Variants in TDRD10 observed in about 807,000 individuals in gnomAD.
The protein encoded by TDRD10 is tudor domain-containing protein 10.
TDRD10 carries 40 observed loss-of-function variants against 48.0 expected under a neutral mutation model. The observed-to-expected ratio is 0.83, with a 90% CI of 0.65 to 1.09. The LOEUF is 1.09. Among genes scored for constraint, TDRD10 ranks in the 50% least tolerant of loss-of-function variants. The pLI, the probability that TDRD10 is intolerant of heterozygous loss-of-function variation, is 0.00. For synonymous variants in TDRD10, 162 were observed against 170.4 expected (o/e 0.95, Z 0.38); for missense variants, 378 against 434.7 (o/e 0.87, Z 1.16).
In TDRD10 at chr1:154,515,274, A is replaced by C. The variant is rs550314469; in HGVS notation, c.142-5030A>C. ...CGGCCTCCCAAAGTGCTGGGATTACAGGTATGAGCCACCGCACCCAGCCAG... is the reference window on the plus strand; with the variant it reads ...CGGCCTCCCAAAGTGCTGGGATTACCGGTATGAGCCACCGCACCCAGCCAG... On this transcript the variant is annotated intron_variant, in intron 4 of 12. Coordinates refer to ENST00000368482, the MANE Select transcript of TDRD10 (RefSeq NM_182499.4). Among the ~76,000 whole-genome samples, 53 of 152,188 alleles carry C rather than the reference A, an allele frequency of 3.5e-4. 1 individual carries two copies. The highest frequency in any genetic ancestry group is 1.2e-3 in the African/African-American group (51 of 41,528).
intron 4 of TDRD10, among the ~76,000 whole-genome samples, chr1:154,512,822 G>A (rs1204333476): frequency 6.6e-6 from 1 of 152,176 alleles, no homozygotes; most frequent in African/African-American, 2.4e-5. Flanking sequence ...ATACCAGAAA[G>A]CTATCAAAGA....
rs774638432 is a variant in TDRD10 at position 154,547,734 on chromosome 1, C to G, written c.*24C>G. 2 of 1,612,712 alleles carry G rather than the reference C, an allele frequency of 1.2e-6. No individual in the cohort carries two copies. Among genetic ancestry groups the G allele is most frequent in the Non-Finnish European group, 1.7e-6 (2 of 1,179,864 alleles). ...AACGGGGCTTCCCTCAGCATGTTCC[C>G]TCTCCTGTTTGCCACGGATCCAGAG... On this transcript the variant is annotated 3_prime_UTR_variant, in exon 13 of 13. Transcript: ENST00000368482.
In TDRD10 at chr1:154,536,992, A is replaced by G. The variant is rs539661963; in HGVS notation, c.370-5032A>G. On this transcript the variant is annotated intron_variant, in intron 6 of 12. Coordinates refer to ENST00000368482, the MANE Select transcript of TDRD10 (RefSeq NM_182499.4). Reference sequence around the variant, plus strand: ...AGACCTGTTTCTGGCAGTCCGGGGAAGAGATGAAAATATCTTGTCACACCA... The same window carrying G: ...AGACCTGTTTCTGGCAGTCCGGGGAGGAGATGAAAATATCTTGTCACACCA... Among the ~76,000 whole-genome samples, 6 of 152,342 alleles carry G rather than the reference A, an allele frequency of 3.9e-5. No homozygotes were observed. The South Asian group carries it at 1.2e-3, about 32-fold the overall frequency.
At chr1:154,545,052 C>A (rs1695475192) in intron 11 of TDRD10, 103 bp downstream of exon 11, 2 of 1,451,508 alleles carry the variant, frequency 1.4e-6, no homozygotes, top group Admixed American at 4.3e-5. Context: ...GGCCAAGGTG[C>A]TTCAGTCTCT....
chr1:154,543,929 G>A (rs183584721), intron 8 of TDRD10, 34 bp from the exon 9 acceptor site: 12 of 1,611,774 alleles, frequency 7.4e-6, no homozygotes, highest in African/African-American at 2.7e-5. Context: ...TGGTCCAGTC[G>A]TTCCTTTCCT....
chr1:154,541,753 T>G (rs1209890115), intron 6 of TDRD10, among the ~76,000 whole-genome samples: 1 of 152,198 alleles, frequency 6.6e-6, no homozygotes, highest in East Asian at 1.9e-4. Context: ...GCTGGGCAGC[T>G]CATTCTGTGA....
rs763668602 is a variant in TDRD10 at position 154,544,325 on chromosome 1, T to C, written c.652-47T>C. On this transcript the variant is annotated intron_variant, in intron 9 of 12. Transcript: ENST00000368482. ...CAGGTGACGTCTACGGAGGCAGATT[T>C]GTAATGCAGTGCAGGCAGTGGGGCC... 39 of 1,554,194 alleles carry C rather than the reference T, an allele frequency of 2.5e-5. No homozygotes were observed. The Middle Eastern group carries it at 5.3e-4, about 21-fold the overall frequency.
intron 4 of TDRD10, 26 bp from the exon 5 acceptor site, chr1:154,520,278 C>G: frequency 6.4e-7 from 1 of 1,572,576 alleles, no homozygotes; most frequent in Non-Finnish European, 8.8e-7. Context: ...CTCTGGGTCT[C>G]TCTCTTTTAA....
At chr1:154,543,776 C>G (rs755317282) in intron 8 of TDRD10, among the ~76,000 whole-genome samples, 187 bp from the exon 9 acceptor site, 3 of 152,156 alleles carry the variant, frequency 2.0e-5, no homozygotes, top group African/African-American at 7.2e-5. Flanking sequence ...TTTCCTCTGC[C>G]GTGGACTGGG....
At chr1:154,541,786 C>T in intron 6 of TDRD10, 1 of 465,434 alleles carries the variant, frequency 2.1e-6, no homozygotes, top group Non-Finnish European at 3.8e-6. Context: ...ATGAGTGCTC[C>T]CTGGCAGCAG....
chr1:154,505,761 C>T (rs1257854227), intron 1 of TDRD10, among the ~76,000 whole-genome samples: 1 of 148,236 alleles, frequency 6.7e-6, no homozygotes, highest in Non-Finnish European at 1.5e-5. Flanking sequence ...TTGGTTTTCT[C>T]ATCTGTAAAA....
rs923115187 is a variant in TDRD10 at position 154,521,574 on chromosome 1, C to G, written c.369+95C>G. The G allele has an allele frequency of 1.7e-5, 24 of 1,402,320 alleles. 1 individual carries two copies. The highest frequency in any genetic ancestry group is 1.2e-4 in the East Asian group (5 of 43,330). 86.9% of individuals were successfully genotyped at this position (1,402,320 alleles called of 1,614,324 possible). A position where few individuals can be genotyped will look rare whatever the true frequency, so the allele number is the denominator to read the frequency against. ...TCAGTGCTTTCATCCTCCTCCAGTC[C>G]AGTCTGACTGTGGAGAAGAAGGCAG... is the stretch of plus-strand genomic sequence containing the variant. On this transcript the variant is annotated intron_variant, in intron 6 of 12. Coordinates refer to ENST00000368482, the MANE Select transcript of TDRD10 (RefSeq NM_182499.4).
At chr1:154,506,407 ACT>A (rs1265590407) in intron 1 of TDRD10, among the ~76,000 whole-genome samples, 2 of 142,586 alleles carry the variant, frequency 1.4e-5, no homozygotes, top group East Asian at 4.1e-4. Context: ...ATGTTGTCTC[ACT>A]CTGTCGCCCA....
At chr1:154,531,933 A>G (rs906900724) in intron 6 of TDRD10, among the ~76,000 whole-genome samples, 6 of 152,224 alleles carry the variant, frequency 3.9e-5, no homozygotes, top group Non-Finnish European at 8.8e-5. Context: ...ACCCTGAGCT[A>G]GACACAGAGC....
In TDRD10 at chr1:154,522,237, A is replaced by T. The variant is rs147279878; in HGVS notation, c.369+758A>T. 4.3e-4 allele frequency among the ~76,000 whole-genome samples: 66 copies of T among 152,242 alleles called. No individual in the cohort carries two copies. The East Asian group carries it at 0.012, about 28-fold the overall frequency. On this transcript the variant is annotated intron_variant, in intron 6 of 12. Transcript: ENST00000368482. ...AAGAAGGGGAGAAGCAGAGGGCAAA[A>T]GGGGCCTGTGTCCTCTTAAAAGGTG...
chr1:154,539,249 A>G (rs926308307), intron 6 of TDRD10, among the ~76,000 whole-genome samples: 1 of 152,116 alleles, frequency 6.6e-6, no homozygotes, highest in African/African-American at 2.4e-5. Context: ...GGAAACCAAG[A>G]TTTAGAGAGT....
chr1:154,522,772 C>T (rs1694122971), intron 6 of TDRD10, among the ~76,000 whole-genome samples: 1 of 152,248 alleles, frequency 6.6e-6, no homozygotes, highest in African/African-American at 2.4e-5. Flanking sequence ...ACCTTCCTGG[C>T]AGCAGTTGTC....
intron 4 of TDRD10, among the ~76,000 whole-genome samples, chr1:154,509,632 T>C (rs1693334889): frequency 6.6e-6 from 1 of 152,206 alleles, no homozygotes; most frequent in African/African-American, 2.4e-5. Flanking sequence ...AAATAAAAGA[T>C]GGACCATTAT....
At chr1:154,546,344 T>TTAC (rs1395648666) in intron 11 of TDRD10, among the ~76,000 whole-genome samples, 1 of 149,904 alleles carries the variant, frequency 6.7e-6, no homozygotes, top group African/African-American at 2.4e-5. Context: ...AGTGTTGGGA[T>TTAC]TACAGGTGCG....
Sources: gnomAD v4.1 joint callset for allele counts (sites outside exome capture counted in the v4.1 genomes callset) on GRCh38, gnomAD v4.1.1 for gene constraint, MANE v1.5 for transcripts, NCBI Gene and HGNC (gene_info 2026-07-23, HGNC 2026-07-21) for gene names.